Variants in KRIT1 observed in about 807,000 individuals in gnomAD.
KRIT1 encodes krev interaction trapped protein 1.
KRIT1 carries 45 observed loss-of-function variants against 95.8 expected under a neutral mutation model. The ratio of observed to expected loss-of-function variants is 0.47; its 90% CI spans 0.37 to 0.60. The LOEUF (loss-of-function observed/expected upper bound fraction) is 0.60, where lower values mean the gene tolerates loss of function less well. KRIT1 is among the 20% of genes least tolerant of loss of function. The pLI, the probability that KRIT1 is intolerant of heterozygous loss-of-function variation, is 0.00. For missense variants in KRIT1, 788 were observed against 877.5 expected, an observed-to-expected ratio of 0.90 and a Z score of 1.29; for synonymous variants, 282 against 278.8, an observed-to-expected ratio of 1.01 and a Z score of -0.11.
intron 10 of KRIT1, among the ~76,000 whole-genome samples, chr7:92,228,253 G>C (rs1000635953): frequency 1.6e-4 from 24 of 152,194 alleles, no homozygotes; most frequent in African/African-American, 5.5e-4. Context: ...TCTCAGAAGA[G>C]TACAATGCAT....
intron 17 of KRIT1, among the ~76,000 whole-genome samples, chr7:92,204,853 G>A (rs1254800458): frequency 3.9e-5 from 6 of 152,040 alleles, no homozygotes; most frequent in African/African-American, 1.4e-4. Flanking sequence ...CCTGCTAGAA[G>A]AGACTTCAAG....
At chr7:92,238,886 A>C (rs1357535412) in intron 5 of KRIT1, among the ~76,000 whole-genome samples, 1 of 152,174 alleles carries the variant, frequency 6.6e-6, no homozygotes, top group Non-Finnish European at 1.5e-5. Context: ...TATCGACAGG[A>C]CCAATTTAAG....
Position 92,221,904 on chromosome 7 carries a change from G to C in KRIT1, c.1561C>G (p.Gln521Glu). ...DVRLPLEVEK[Q>E]IEDPLAILIL... Reference sequence around the variant, plus strand: ...GTAAATAAGATTTCCAAGCAAACCTGTTTTTCAACTTCCAAGGGAAGTCTC... The same window carrying C: ...GTAAATAAGATTTCCAAGCAAACCTCTTTTTCAACTTCCAAGGGAAGTCTC... Residue 521 changes from glutamine to glutamate, a missense_variant and splice_region_variant, in exon 14 of 19, where the codon CAG becomes GAG. Physicochemically the swap from Gln to Glu is conservative, Grantham distance 29. This residue lies in a region of KRIT1 where 493 missense variants were observed against 582.3 expected (regional missense o/e 0.85). Transcript: ENST00000394505. 1 of 1,613,262 alleles carries C rather than the reference G, an allele frequency of 6.2e-7. No homozygotes were observed. Among genetic ancestry groups the C allele is most frequent in the African/African-American group, 1.3e-5 (1 of 75,040 alleles).
rs1789932747 is a variant in KRIT1, at chr7:92,200,635, A to T, written c.*101T>A. 5 of 793,990 alleles carry T rather than the reference A, an allele frequency of 6.3e-6. No individual in the cohort carries two copies. The East Asian group carries it at 1.1e-4, about 17-fold the overall frequency. 49.2% of individuals were successfully genotyped at this position (793,990 alleles called of 1,614,324 possible). A position where few individuals can be genotyped will look rare whatever the true frequency, so the allele number is the denominator to read the frequency against. On this transcript the variant is annotated 3_prime_UTR_variant, in exon 19 of 19. Transcript: ENST00000394505. ...CCAAAGTGCTGGAATTACAGGGGTG[A>T]GCCACCATGCTCGGCCAAAAGTAAT...
chr7:92,223,725 AAG>A (rs755354402), intron 12 of KRIT1, among the ~76,000 whole-genome samples: 1 of 152,146 alleles, frequency 6.6e-6, no homozygotes, highest in Non-Finnish European at 1.5e-5. Flanking sequence ...AACTTGTCCT[AAG>A]AGGAATTTGT....
intron 10 of KRIT1, among the ~76,000 whole-genome samples, chr7:92,231,337 A>C (rs1797240763): frequency 6.6e-6 from 1 of 152,156 alleles, no homozygotes; most frequent in Non-Finnish European, 1.5e-5. Flanking sequence ...TAACATATAT[A>C]GGTATTGTTA....
chr7:92,225,877 T>TA (rs747233442), intron 11 of KRIT1, 50 bp from the exon 12 acceptor site: 110 of 943,974 alleles, frequency 1.2e-4, no homozygotes, highest in Non-Finnish European at 1.7e-4. Context: ...TATTATGGTA[T>TA]TCTAAGGGAA....
chr7:92,225,107 C>A (rs1421899713), intron 12 of KRIT1, among the ~76,000 whole-genome samples: 1 of 151,828 alleles, frequency 6.6e-6, no homozygotes, highest in African/African-American at 2.4e-5. Flanking sequence ...GAGCTGAGAT[C>A]GCGCCATTGT....
chr7:92,210,948 T>C (rs903846283), intron 17 of KRIT1, among the ~76,000 whole-genome samples: 2 of 152,184 alleles, frequency 1.3e-5, no homozygotes, highest in Non-Finnish European at 2.9e-5. Context: ...CGAGTAATCA[T>C]CAGGGAAGTT....
chr7:92,222,641 C>T lies in KRIT1; in HGVS notation c.1411+181G>A, dbSNP rs112410984. ...AAAATGCTTTGAATGAAGCAGGGAA[C>T]GGGGTGGGCAGGGACTTACCTGTTT... On this transcript the variant is annotated intron_variant, in intron 13 of 18. Coordinates refer to ENST00000394505, the MANE Select transcript of KRIT1 (RefSeq NM_194454.3). Among the ~76,000 whole-genome samples the T allele has an allele frequency of 0.015, 2,331 of 152,128 alleles. 54 individuals are homozygous for T. Among genetic ancestry groups the T allele is most frequent in the African/African-American group, 0.052 (2,165 of 41,516 alleles).
Position 92,240,403 on chromosome 7 carries a change from T to C in KRIT1, c.262+590A>G, listed in dbSNP as rs1342291040. 3.2e-4 allele frequency among the ~76,000 whole-genome samples: 48 copies of C among 152,234 alleles called. 1 individual carries two copies. Among genetic ancestry groups the C allele is most frequent in the Admixed American group, 3.1e-3 (48 of 15,292 alleles). ...CTGCTTGACTGAATTGGTTTTACTT[T>C]TTAAATTGTAGTAACTGAATCTTGG... On this transcript the variant is annotated intron_variant, in intron 5 of 18. Coordinates refer to ENST00000394505, the MANE Select transcript of KRIT1 (RefSeq NM_194454.3).
intron 12 of KRIT1, among the ~76,000 whole-genome samples, chr7:92,224,023 A>G (rs916748315): frequency 6.6e-6 from 1 of 152,210 alleles, no homozygotes; most frequent in East Asian, 1.9e-4. Flanking sequence ...GGGTACCTGT[A>G]CTGCTTGTCT....
At chr7:92,233,855 A>G (rs1797848148) in intron 10 of KRIT1, among the ~76,000 whole-genome samples, 1 of 152,212 alleles carries the variant, frequency 6.6e-6, no homozygotes. Flanking sequence ...CTAACAACTC[A>G]GCCCAACTGA....
intron 14 of KRIT1, among the ~76,000 whole-genome samples, chr7:92,215,109 AAT>A (rs1793678746): frequency 6.6e-6 from 1 of 151,616 alleles, no homozygotes; most frequent in Non-Finnish European, 1.5e-5. Flanking sequence ...GCTGATAGGA[AAT>A]AGTTATTTTT....
At chr7:92,225,301 A>G (rs1036152159) in intron 12 of KRIT1, among the ~76,000 whole-genome samples, 5 of 152,138 alleles carry the variant, frequency 3.3e-5, no homozygotes, top group Non-Finnish European at 7.4e-5. Flanking sequence ...TGCAGTCTAC[A>G]ATGAGGTTTT....
chr7:92,207,178 C>G (rs796933440), intron 17 of KRIT1, among the ~76,000 whole-genome samples: 2 of 152,022 alleles, frequency 1.3e-5, no homozygotes, highest in African/African-American at 4.8e-5. Context: ...CAGATCTAAC[C>G]TAAAAAGGTC....
chr7:92,236,937 T>C (rs1034409757), intron 6 of KRIT1, among the ~76,000 whole-genome samples: 8 of 152,136 alleles, frequency 5.3e-5, no homozygotes, highest in African/African-American at 1.7e-4. Flanking sequence ...GGGATGTCCA[T>C]GGTGGGTGAT....
chr7:92,226,236 T>C (rs1796183125), intron 11 of KRIT1, among the ~76,000 whole-genome samples: 1 of 152,126 alleles, frequency 6.6e-6, no homozygotes, highest in African/African-American at 2.4e-5. Context: ...TGTGGTGATA[T>C]AAATGTACTT....
At chr7:92,226,331 C>T (rs1161534204) in intron 11 of KRIT1, among the ~76,000 whole-genome samples, 195 bp downstream of exon 11, 1 of 151,888 alleles carries the variant, frequency 6.6e-6, no homozygotes, top group African/African-American at 2.4e-5. Flanking sequence ...AAAATATGTT[C>T]AAAAGCACAA....
Sources: gnomAD v4.1 joint callset for allele counts (sites outside exome capture counted in the v4.1 genomes callset) on GRCh38, gnomAD v4.1.1 for gene constraint, gnomAD v4.1.1 regional missense constraint, MANE v1.5 for transcripts, NCBI Gene and HGNC (gene_info 2026-07-23, HGNC 2026-07-21) for gene names.